CDC25C: variants seen among roughly 807,000 people sequenced by gnomAD.
CDC25C encodes M-phase inducer phosphatase 3.
CDC25C carries 48 observed loss-of-function variants against 52.5 expected under a neutral mutation model. The ratio of observed to expected loss-of-function variants is 0.91; its 90% CI spans 0.72 to 1.16. CDC25C has a LOEUF of 1.16. Among genes scored for constraint, CDC25C ranks in the 50% most tolerant of loss-of-function variants. The pLI is 0.00. For synonymous variants in CDC25C, 187 were observed against 206.5 expected (o/e 0.91, Z 0.81); for missense variants, 510 against 566.1 (o/e 0.90, Z 1.01).
chr5:138,303,390 G>C (rs1400946360), intron 7 of CDC25C, among the ~76,000 whole-genome samples: 2 of 151,554 alleles, frequency 1.3e-5, no homozygotes, highest in Admixed American at 6.6e-5. Context: ...CATCTGACTC[G>C]GTTTTTGCAG....
chr5:138,309,675 C>T (rs913230461), intron 7 of CDC25C, among the ~76,000 whole-genome samples: 2 of 151,300 alleles, frequency 1.3e-5, no homozygotes, highest in Admixed American at 1.3e-4. Flanking sequence ...TCAAACATGG[C>T]ATGCCCTCAA....
chr5:138,312,497 T>C (rs943843210), intron 7 of CDC25C, among the ~76,000 whole-genome samples: 2 of 152,226 alleles, frequency 1.3e-5, no homozygotes, highest in Non-Finnish European at 2.9e-5. Flanking sequence ...ATACATACAA[T>C]GGAATATTAT....
chr5:138,292,799 G>T (rs1756857595), intron 7 of CDC25C, among the ~76,000 whole-genome samples: 1 of 152,290 alleles, frequency 6.6e-6, no homozygotes, highest in Admixed American at 6.5e-5. Flanking sequence ...GGCATGGTTT[G>T]GGTGCTATAT....
At chr5:138,335,993 T>G (rs576420696), upstream of CDC25C, among the ~76,000 whole-genome samples, 3 of 152,234 alleles carry the variant, frequency 2.0e-5, no homozygotes, top group South Asian at 6.2e-4. Flanking sequence ...GTCACTTAAC[T>G]TCTTGGGCTG....
chr5:138,310,855 T>C (rs938778039), intron 7 of CDC25C, among the ~76,000 whole-genome samples: 1 of 152,216 alleles, frequency 6.6e-6, no homozygotes, highest in Non-Finnish European at 1.5e-5. Flanking sequence ...GGGTTAGTTA[T>C]CCTTAGCTGT....
chr5:138,336,575 A>G (rs1177646360), upstream of CDC25C, among the ~76,000 whole-genome samples: 1 of 152,150 alleles, frequency 6.6e-6, no homozygotes, highest in East Asian at 1.9e-4. Context: ...AGTTCTAGCT[A>G]TTCAGGAGGC....
chr5:138,310,832 T>C (rs1328051034), intron 7 of CDC25C, among the ~76,000 whole-genome samples: 1 of 152,212 alleles, frequency 6.6e-6, no homozygotes, highest in Non-Finnish European at 1.5e-5. Context: ...GGACTTCGAA[T>C]GGTGGTCAGA....
intron 10 of CDC25C, among the ~76,000 whole-genome samples, chr5:138,288,021 A>C (rs1251505126): frequency 1.3e-5 from 2 of 152,210 alleles, no homozygotes; most frequent in East Asian, 3.8e-4. Flanking sequence ...TGATATAGAA[A>C]GATGTCTATA....
intron 6 of CDC25C, among the ~76,000 whole-genome samples, chr5:138,320,791 C>T (rs12514118): frequency 0.26 from 38,888 of 151,576 alleles, 6,103 homozygotes; most frequent in South Asian, 0.42. Flanking sequence ...TAGCACACGT[C>T]TGTAATCCCA....
intron 10 of CDC25C, 45 bp from the exon 11 acceptor site, chr5:138,287,312 A>G: frequency 7.6e-7 from 1 of 1,323,380 alleles, no homozygotes; most frequent in Non-Finnish European, 1.1e-6. Flanking sequence ...TGCCACTCTG[A>G]GGGAGAGAAG....
chr5:138,306,466 TTTA>T (rs750734942), intron 7 of CDC25C, among the ~76,000 whole-genome samples: 28 of 151,364 alleles, frequency 1.8e-4, no homozygotes, highest in East Asian at 1.9e-4. Context: ...TTTATTTCCG[TTTA>T]TTATTATTAT....
At chr5:138,287,570 C>A (rs2126641818) in intron 10 of CDC25C, among the ~76,000 whole-genome samples, 1 of 152,314 alleles carries the variant, frequency 6.6e-6, no homozygotes, top group East Asian at 1.9e-4. Flanking sequence ...AGGACTTCTG[C>A]AGTGGCAGAG....
In CDC25C at chr5:138,300,156, G is replaced by A. The variant is rs115669526; in HGVS notation, c.616-8040C>T. Among the ~76,000 whole-genome samples the A allele has an allele frequency of 9.6e-3, 1,464 of 152,150 alleles. 30 individuals are homozygous for A. The highest frequency in any genetic ancestry group is 0.033 in the African/African-American group (1,374 of 41,492). ...GTTCAAGGCGACATAGTGAGGCACC[G>A]CCCCAACTCCAATTAACAAAACAAA... On this transcript the variant is annotated intron_variant, in intron 7 of 13. Coordinates refer to ENST00000323760, the MANE Select transcript of CDC25C (RefSeq NM_001790.5).
chr5:138,292,301 G>C (rs548954692), intron 7 of CDC25C, among the ~76,000 whole-genome samples, 185 bp from the exon 8 acceptor site: 26 of 152,164 alleles, frequency 1.7e-4, no homozygotes, highest in African/African-American at 6.0e-4. Context: ...AGTTTGAGAA[G>C]CCTTGGGTAG....
exon 1 of CDC25C, chr5:138,338,040 T>C: frequency 7.8e-7 from 1 of 1,289,426 alleles, no homozygotes; most frequent in Non-Finnish European, 1.0e-6. Context: ...TTGGAGGGGG[T>C]GACTCGTTAG....
intron 7 of CDC25C, among the ~76,000 whole-genome samples, chr5:138,318,608 G>A (rs749805371): frequency 6.6e-6 from 1 of 151,906 alleles, no homozygotes; most frequent in African/African-American, 2.4e-5. Flanking sequence ...CCAGCTACTC[G>A]AGAGGCTGAG....
At chr5:138,316,551 G>A (rs1052590382) in intron 7 of CDC25C, among the ~76,000 whole-genome samples, 7 of 152,094 alleles carry the variant, frequency 4.6e-5, no homozygotes, top group Non-Finnish European at 8.8e-5. Flanking sequence ...CTGGGGACCG[G>A]GCTGCTAGTC....
At chr5:138,298,023 G>C (rs1227697561) in intron 7 of CDC25C, among the ~76,000 whole-genome samples, 1 of 151,236 alleles carries the variant, frequency 6.6e-6, no homozygotes, top group African/African-American at 2.4e-5. Context: ...TCTTGAGACA[G>C]GGTCTCACTC....
intron 9 of CDC25C, among the ~76,000 whole-genome samples, chr5:138,290,364 C>T (rs1236926042): frequency 2.6e-5 from 4 of 152,106 alleles, no homozygotes; most frequent in Non-Finnish European, 5.9e-5. Context: ...TTTTCTGTAA[C>T]AACCAAGTAT....
Sources: allele counts gnomAD v4.1 joint callset (sites outside exome capture counted in the v4.1 genomes callset), GRCh38; gene constraint gnomAD v4.1.1; transcripts MANE v1.5; gene names NCBI Gene and HGNC (gene_info 2026-07-23, HGNC 2026-07-21).